The following LPP variants were observed in gnomAD, a reference collection of about 807,000 sequenced individuals.
The protein encoded by LPP is LIM domain containing preferred translocation partner in lipoma, also known as lipoma-preferred partner.
In LPP, 38 loss-of-function variants were observed where a neutral mutation model predicts 60.4. The observed-to-expected ratio is 0.63, with a 90% confidence interval of 0.49 to 0.83. LPP has a LOEUF of 0.83. Among genes scored for constraint, LPP ranks in the 40% least tolerant of loss-of-function variants. The pLI is 0.00. For missense variants in LPP, 902 were observed against 783.6 expected (o/e 1.15, Z -1.80); for synonymous variants, 328 against 290.8 (o/e 1.13, Z -1.30).
chr3:188,369,261 G>T (rs558611331), intron 3 of LPP, among the ~76,000 whole-genome samples: 5 of 151,986 alleles, frequency 3.3e-5, no homozygotes, highest in South Asian at 4.2e-4. Flanking sequence ...GTTTTAGGCA[G>T]AAGCATTTGA....
At chr3:188,692,850 T>A (rs1443042144) in intron 7 of LPP, among the ~76,000 whole-genome samples, 2 of 152,252 alleles carry the variant, frequency 1.3e-5, no homozygotes, top group Admixed American at 1.3e-4. Context: ...CTTCTCCGAA[T>A]GACTTTCTAT....
intron 3 of LPP, among the ~76,000 whole-genome samples, chr3:188,365,599 ATT>A (rs1306100175): frequency 6.6e-6 from 1 of 152,058 alleles, no homozygotes; most frequent in East Asian, 1.9e-4. Context: ...TGAGACTGGA[ATT>A]CAGGCACAGG....
At position 188,636,242 on chromosome 3, in the gene LPP, G is replaced by A. The variant is rs542966156; in HGVS notation, c.1113+26398G>A. Among the ~76,000 whole-genome samples, 225 of 152,328 alleles carry A rather than the reference G, an allele frequency of 1.5e-3. 1 individual carries two copies. Among genetic ancestry groups the A allele is most frequent in the African/African-American group, 5.1e-3 (210 of 41,580 alleles). ...AGCAGGGCGAGGCATTGCCTCACTCGGGAAGCGCAAGGGGTCAGGGAGTTC... is the reference window on the plus strand; with the variant it reads ...AGCAGGGCGAGGCATTGCCTCACTCAGGAAGCGCAAGGGGTCAGGGAGTTC... On this transcript the variant is annotated intron_variant, in intron 7 of 11. Coordinates refer to ENST00000617246, the MANE Select transcript of LPP (RefSeq NM_001375462.1).
At chr3:188,441,262 C>T (rs1165413644) in intron 4 of LPP, among the ~76,000 whole-genome samples, 3 of 152,114 alleles carry the variant, frequency 2.0e-5, no homozygotes, top group Non-Finnish European at 2.9e-5. Flanking sequence ...TCCAGATTCT[C>T]AAAGTCCTAC....
At chr3:188,318,151 T>C (rs1379929935) in intron 2 of LPP, among the ~76,000 whole-genome samples, 2 of 152,226 alleles carry the variant, frequency 1.3e-5, no homozygotes, top group African/African-American at 4.8e-5. Context: ...TTTCTTTGCA[T>C]CGTGCAGTTT....
intron 8 of LPP, among the ~76,000 whole-genome samples, chr3:188,754,761 A>G (rs1729597160): frequency 6.6e-6 from 1 of 152,166 alleles, no homozygotes; most frequent in African/African-American, 2.4e-5. Context: ...GTCTATTATT[A>G]CATGCATCAA....
chr3:188,354,251 G>A (rs761329697), intron 3 of LPP, among the ~76,000 whole-genome samples: 11 of 152,002 alleles, frequency 7.2e-5, no homozygotes, highest in African/African-American at 2.4e-4. Context: ...ATTTCAGTAC[G>A]GAGGCAAAGC....
intron 3 of LPP, among the ~76,000 whole-genome samples, chr3:188,397,264 G>A (rs1318716819): frequency 6.6e-6 from 1 of 152,082 alleles, no homozygotes; most frequent in Non-Finnish European, 1.5e-5. Context: ...TATTACATTG[G>A]ATAAGTTTCT....
chr3:188,260,811 T>C (rs1457216417), intron 2 of LPP, among the ~76,000 whole-genome samples: 1 of 152,152 alleles, frequency 6.6e-6, no homozygotes, highest in Non-Finnish European at 1.5e-5. Context: ...GGCGGGCAGA[T>C]GGTTTGAGGT....
At chr3:188,647,311 C>T (rs1481887563) in intron 7 of LPP, among the ~76,000 whole-genome samples, 4 of 152,044 alleles carry the variant, frequency 2.6e-5, no homozygotes, top group African/African-American at 9.7e-5. Context: ...CGGTAAAGAG[C>T]GTCTGCTGCG....
chr3:188,577,729 T>TTTCCTTCCTTTG (rs1834966699), intron 6 of LPP, among the ~76,000 whole-genome samples: 1 of 137,362 alleles, frequency 7.3e-6, no homozygotes, highest in African/African-American at 2.6e-5. Flanking sequence ...CTCTCTTTGG[T>TTTCCTTCCTTTG]TTCCTTCCTT....
intron 3 of LPP, among the ~76,000 whole-genome samples, chr3:188,344,881 T>C (rs1257026935): frequency 6.6e-6 from 1 of 152,176 alleles, no homozygotes; most frequent in Non-Finnish European, 1.5e-5. Context: ...CTGGGTCTTA[T>C]GAGAGGATCT....
chr3:188,707,825 C>T (rs1421953225), intron 7 of LPP, among the ~76,000 whole-genome samples: 2 of 152,262 alleles, frequency 1.3e-5, no homozygotes, highest in Non-Finnish European at 1.5e-5. Flanking sequence ...TCAGGAAGTC[C>T]GTCGCGGGCT....
chr3:188,226,743 C>T (rs1318280779), intron 2 of LPP, among the ~76,000 whole-genome samples: 1 of 152,002 alleles, frequency 6.6e-6, no homozygotes, highest in Non-Finnish European at 1.5e-5. Flanking sequence ...GTGTAGTTTT[C>T]CAAAACAGAG....
chr3:188,583,640 G>A (rs187954603), intron 6 of LPP, among the ~76,000 whole-genome samples: 15 of 152,140 alleles, frequency 9.9e-5, no homozygotes, highest in East Asian at 7.7e-4. Flanking sequence ...CCATTGACCC[G>A]GACCGCGTTG....
At chr3:188,191,528 G>A (rs1014645936) in intron 1 of LPP, among the ~76,000 whole-genome samples, 7 of 152,140 alleles carry the variant, frequency 4.6e-5, no homozygotes, top group African/African-American at 9.7e-5. Context: ...GGAATGGAGG[G>A]GCAGCAGCCA....
At chr3:188,246,024 C>T (rs1450446696) in intron 2 of LPP, among the ~76,000 whole-genome samples, 2 of 152,112 alleles carry the variant, frequency 1.3e-5, no homozygotes, top group African/African-American at 4.8e-5. Flanking sequence ...ACCATAAAAT[C>T]GTGTGAAATG....
At chr3:188,253,422 A>G (rs1730620925) in intron 2 of LPP, among the ~76,000 whole-genome samples, 1 of 152,196 alleles carries the variant, frequency 6.6e-6, no homozygotes, top group African/African-American at 2.4e-5. Flanking sequence ...TGTGTGTAAC[A>G]TAATGAATGG....
At chr3:188,445,151 G>A (rs6444291) in intron 4 of LPP, among the ~76,000 whole-genome samples, 143,954 of 152,266 alleles carry the variant, frequency 0.95, 68,323 homozygotes, top group East Asian at 0.99. Context: ...ATACCCAAAC[G>A]ATTATAAATC....
Sources: gnomAD v4.1 joint callset for allele counts (sites outside exome capture counted in the v4.1 genomes callset) on GRCh38, gnomAD v4.1.1 for gene constraint, MANE v1.5 for transcripts, NCBI Gene and HGNC (gene_info 2026-07-23, HGNC 2026-07-21) for gene names.